The following TAFA2 variants were observed in gnomAD, a reference collection of about 807,000 sequenced individuals.
The protein encoded by TAFA2 is chemokine-like protein TAFA-2.
A neutral mutation model predicts 18.8 loss-of-function variants in TAFA2; 7 were observed. The ratio of observed to expected loss-of-function variants is 0.37; its 90% CI spans 0.21 to 0.70. TAFA2 has a LOEUF of 0.70. Among genes scored for constraint, TAFA2 ranks in the 30% least tolerant of loss-of-function variants. TAFA2 has a pLI of 0.53. For synonymous variants in TAFA2, 60 were observed against 54.2 expected (o/e 1.11, Z -0.47); for missense variants, 122 against 158.1 (o/e 0.77, Z 1.23).
At chr12:61,807,739 A>G (rs751226295) in intron 2 of TAFA2, among the ~76,000 whole-genome samples, 3 of 151,440 alleles carry the variant, frequency 2.0e-5, no homozygotes, top group Non-Finnish European at 4.4e-5. Context: ...GATATGAGAC[A>G]TGGAGTCAAA....
chr12:61,913,799 C>A (rs991750738), intron 1 of TAFA2, among the ~76,000 whole-genome samples: 1 of 152,122 alleles, frequency 6.6e-6, no homozygotes, highest in East Asian at 1.9e-4. Context: ...AGGCAATATT[C>A]CCAGCCTGAA....
At chr12:62,128,843 A>T (rs566413183) in intron 1 of TAFA2, among the ~76,000 whole-genome samples, 1 of 152,114 alleles carries the variant, frequency 6.6e-6, no homozygotes, top group African/African-American at 2.4e-5. Flanking sequence ...GTCACATAAC[A>T]GGCAGTTTCT....
intron 1 of TAFA2, among the ~76,000 whole-genome samples, chr12:61,976,645 C>T (rs1382393541): frequency 1.3e-5 from 2 of 151,958 alleles, no homozygotes; most frequent in Non-Finnish European, 2.9e-5. Flanking sequence ...CCCATTAACT[C>T]ATTTACATTA....
At chr12:62,070,645 A>C (rs1168377884) in intron 1 of TAFA2, 1 of 151,902 alleles carries the variant, frequency 6.6e-6, no homozygotes, top group Non-Finnish European at 1.5e-5. Flanking sequence ...TTTGCACTTC[A>C]AAAAAAATAG....
At chr12:61,997,385 A>G (rs12228665) in intron 1 of TAFA2, among the ~76,000 whole-genome samples, 16,453 of 152,066 alleles carry the variant, frequency 0.11, 997 homozygotes, top group Middle Eastern at 0.19. Context: ...AAGGGTAAAG[A>G]CCTGCTATTA....
intron 1 of TAFA2, among the ~76,000 whole-genome samples, chr12:61,912,876 G>A (rs556653721): frequency 6.6e-6 from 1 of 152,306 alleles, no homozygotes; most frequent in South Asian, 2.1e-4. Flanking sequence ...TTGTGTAAGA[G>A]CTTGTAAGTT....
chr12:61,975,514 C>CGCGTGTGTGTGTGTGTGTGTGTGTGT (rs1555180431), intron 1 of TAFA2, among the ~76,000 whole-genome samples: 23 of 136,648 alleles, frequency 1.7e-4, no homozygotes, highest in Middle Eastern at 3.6e-3. Context: ...CAATAATATT[C>CGCGTGTGTGTGTGTGTGTGTGTGTGT]GTGTGTGTGT....
At chr12:61,837,175 G>T (rs118050830) in intron 2 of TAFA2, among the ~76,000 whole-genome samples, 3,286 of 151,890 alleles carry the variant, frequency 0.022, 56 homozygotes, top group Middle Eastern at 0.048. Flanking sequence ...CAACAAATTT[G>T]ATGGGGATTG....
intron 1 of TAFA2, among the ~76,000 whole-genome samples, chr12:62,016,299 C>T (rs187099442): frequency 2.0e-5 from 3 of 152,146 alleles, no homozygotes; most frequent in Non-Finnish European, 2.9e-5. Context: ...TCAAGGATGC[C>T]GACAGCTCAT....
intron 4 of TAFA2, among the ~76,000 whole-genome samples, chr12:61,748,410 G>A (rs555603759): frequency 2.0e-5 from 3 of 152,110 alleles, no homozygotes; most frequent in Non-Finnish European, 4.4e-5. Context: ...TGTCTGTTAA[G>A]AAAGAGCTGA....
At chr12:61,967,116 T>G (rs1173801524) in intron 1 of TAFA2, among the ~76,000 whole-genome samples, 1 of 151,834 alleles carries the variant, frequency 6.6e-6, no homozygotes, top group Admixed American at 6.6e-5. Context: ...GATCTTTGCT[T>G]GTGGGTCAGG....
intron 1 of TAFA2, among the ~76,000 whole-genome samples, chr12:62,226,948 C>T (rs1027608945): frequency 3.3e-5 from 5 of 152,168 alleles, no homozygotes; most frequent in Admixed American, 2.0e-4. Context: ...TAGCCTTGCT[C>T]TCATCAAGGT....
At chr12:61,793,113 A>G (rs187145368) in intron 2 of TAFA2, among the ~76,000 whole-genome samples, 48 of 151,730 alleles carry the variant, frequency 3.2e-4, no homozygotes, top group Middle Eastern at 3.4e-3. Flanking sequence ...AATGTGAGGG[A>G]TGGTAGGCAC....
chr12:61,796,716 G>T (rs1424756182), intron 2 of TAFA2, among the ~76,000 whole-genome samples: 3 of 152,154 alleles, frequency 2.0e-5, no homozygotes, highest in African/African-American at 7.2e-5. Flanking sequence ...AGTCTTGAGT[G>T]TTTAGCAGTT....
intron 1 of TAFA2, among the ~76,000 whole-genome samples, chr12:62,239,804 C>T (rs1479593506): frequency 6.6e-6 from 1 of 152,142 alleles, no homozygotes; most frequent in Non-Finnish European, 1.5e-5. Context: ...TATACACCAC[C>T]CCATCTGATG....
chr12:62,168,900 C>T (rs762268291), intron 1 of TAFA2, among the ~76,000 whole-genome samples: 7 of 151,568 alleles, frequency 4.6e-5, no homozygotes, highest in Non-Finnish European at 8.8e-5. Flanking sequence ...CTCTTTTGGA[C>T]CCTAATTGAA....
chr12:61,978,941 C>T (rs182968706), intron 1 of TAFA2, among the ~76,000 whole-genome samples: 2 of 152,232 alleles, frequency 1.3e-5, no homozygotes, highest in East Asian at 3.9e-4. Context: ...TTAATGAACA[C>T]TTCTGACCGT....
intron 1 of TAFA2, among the ~76,000 whole-genome samples, chr12:61,995,111 TA>T (rs1456079373): frequency 6.6e-6 from 1 of 152,192 alleles, no homozygotes; most frequent in Non-Finnish European, 1.5e-5. Flanking sequence ...ATCCACAGAA[TA>T]AAACCCAACT....
At position 62,235,499 on chromosome 12, in the gene TAFA2, TG is replaced by T. The variant is rs1467939437; in HGVS notation, c.-130+23263del. On this transcript the variant is annotated intron_variant, in intron 1 of 5. Transcript: ENST00000551619. The stretch of plus-strand genomic sequence containing the variant: ...CCCAGCTTCCTGCTCCTTCTCAGCC[TG>T]TGGTCGGCTGTACATGAAGACTAGG... 1.1e-5 allele frequency: 6 copies of T among 562,816 alleles called. No homozygotes were observed. The South Asian group carries it at 1.2e-4, about 12-fold the overall frequency. The allele number at this position is 562,816 out of a possible 1,614,324, so 34.9% of individuals were successfully genotyped here.
Sources: allele counts gnomAD v4.1 joint callset (sites outside exome capture counted in the v4.1 genomes callset), GRCh38; gene constraint gnomAD v4.1.1; transcripts MANE v1.5; gene names NCBI Gene and HGNC (gene_info 2026-07-23, HGNC 2026-07-21).